The following HS3ST5 variants were observed in gnomAD, a reference collection of about 807,000 sequenced individuals.
HS3ST5 encodes the protein heparan sulfate-glucosamine 3-sulfotransferase 5.
Under a neutral mutation model 25.4 loss-of-function variants are expected in HS3ST5, and 10 were observed. The observed-to-expected ratio is 0.39, with a 90% CI of 0.24 to 0.67. The LOEUF (loss-of-function observed/expected upper bound fraction) is 0.67. Among genes scored for constraint, HS3ST5 ranks in the 30% least tolerant of loss-of-function variants. The pLI, the probability that HS3ST5 is intolerant of heterozygous loss-of-function variation, is 0.44. For missense variants in HS3ST5, 324 were observed against 420.7 expected (o/e 0.77, Z 2.01); for synonymous variants, 170 against 162.4 (o/e 1.05, Z -0.36).
intron 1 of HS3ST5, among the ~76,000 whole-genome samples, chr6:114,249,704 G>C (rs1376204182): frequency 6.6e-6 from 1 of 152,158 alleles, no homozygotes; most frequent in African/African-American, 2.4e-5. Context: ...GGACAGCTCT[G>C]GGGAGCCAGC....
intron 3 of HS3ST5, among the ~76,000 whole-genome samples, chr6:114,127,025 T>A (rs1427920909): frequency 1.3e-5 from 2 of 152,274 alleles, no homozygotes; most frequent in Admixed American, 6.5e-5. Flanking sequence ...TATAAGATGT[T>A]GATAAGAGGG....
chr6:114,294,594 C>T (rs1399542565), intron 1 of HS3ST5, among the ~76,000 whole-genome samples: 3 of 152,002 alleles, frequency 2.0e-5, no homozygotes, highest in Admixed American at 6.5e-5. Flanking sequence ...TACAGGCGCC[C>T]GCCACTGCGC....
chr6:114,081,940 A>T (rs1008438079), intron 3 of HS3ST5, among the ~76,000 whole-genome samples: 1 of 152,120 alleles, frequency 6.6e-6, no homozygotes, highest in African/African-American at 2.4e-5. Context: ...TGCAATCATC[A>T]CCATAATTAA....
chr6:114,062,581 TA>T (rs1773194165), intron 4 of HS3ST5, among the ~76,000 whole-genome samples, 157 bp downstream of exon 4: 1 of 152,156 alleles, frequency 6.6e-6, no homozygotes, highest in African/African-American at 2.4e-5. Context: ...CTCTCTCTTT[TA>T]AAGGCTCAGT....
In HS3ST5 at chr6:114,062,882, G is replaced by T. The variant is rs189253118; in HGVS notation, c.-32-5C>A. On this transcript the variant is annotated splice_region_variant and splice_polypyrimidine_tract_variant and intron_variant, in intron 3 of 4. Transcript: ENST00000312719. Reference sequence around the variant, plus strand: ...AACCTTCAGGACTGCTGCAGCCTGCGATAGAAGGACTCATCAGCAGCCATC... The same window carrying T: ...AACCTTCAGGACTGCTGCAGCCTGCTATAGAAGGACTCATCAGCAGCCATC... 6.6e-7 allele frequency: 1 copy of T among 1,521,862 alleles called. No homozygotes were observed. The highest frequency in any genetic ancestry group is 1.4e-5 in the African/African-American group (1 of 73,152). The allele number at this position is 1,521,862 out of a possible 1,614,324, so 94.3% of individuals were successfully genotyped here. A position where few individuals can be genotyped will look rare whatever the true frequency, so the allele number is the denominator to read the frequency against.
chr6:114,185,574 T>C (rs1290833442), intron 2 of HS3ST5, among the ~76,000 whole-genome samples: 1 of 152,188 alleles, frequency 6.6e-6, no homozygotes, highest in Non-Finnish European at 1.5e-5. Context: ...TTTTTACAAA[T>C]TGAAGGTTCA....
intron 2 of HS3ST5, among the ~76,000 whole-genome samples, chr6:114,182,539 G>A (rs150796388): frequency 1.9e-4 from 29 of 152,200 alleles, no homozygotes; most frequent in African/African-American, 5.5e-4. Flanking sequence ...CAAAAGGAGC[G>A]TATAGGAAGA....
At chr6:114,341,544 A>G (rs557950615) in intron 1 of HS3ST5, among the ~76,000 whole-genome samples, 1 of 150,980 alleles carries the variant, frequency 6.6e-6, no homozygotes, top group East Asian at 2.0e-4. Context: ...GACCTCTCAG[A>G]CTTGTTTGTA....
intron 3 of HS3ST5, among the ~76,000 whole-genome samples, chr6:114,099,774 AGCGTCCAT>A (rs1452644053): frequency 6.6e-6 from 1 of 152,138 alleles, no homozygotes; most frequent in Non-Finnish European, 1.5e-5. Context: ...GCCTAATATT[AGCGTCCAT>A]GCTTTATCCC....
chr6:114,213,411 A>G (rs1342690241), intron 2 of HS3ST5, among the ~76,000 whole-genome samples: 1 of 151,786 alleles, frequency 6.6e-6, no homozygotes, highest in Admixed American at 6.6e-5. Context: ...GAAAACAGGA[A>G]GGCATGTTCT....
In HS3ST5 at chr6:114,236,844, T is replaced by C. The variant is rs933144811; in HGVS notation, c.-338-8066A>G. ...AATTGTATACTCTATTGAAATATTT[T>C]AGACTTTGATAGGCTCAATAGATAT... is the stretch of plus-strand genomic sequence containing the variant. On this transcript the variant is annotated intron_variant, in intron 1 of 4. Transcript: ENST00000312719. 3.3e-5 allele frequency among the ~76,000 whole-genome samples: 5 copies of C among 152,324 alleles called. No individual in the cohort carries two copies. In the East Asian group the frequency reaches 9.6e-4, roughly 29 times the overall value.
At chr6:114,119,102 A>G (rs570364006) in intron 3 of HS3ST5, among the ~76,000 whole-genome samples, 2 of 152,374 alleles carry the variant, frequency 1.3e-5, no homozygotes, top group South Asian at 4.1e-4. Context: ...GAACGAAGGC[A>G]CTAAAGGAGT....
chr6:114,192,487 T>A (rs1224774868), intron 2 of HS3ST5, among the ~76,000 whole-genome samples: 3 of 152,208 alleles, frequency 2.0e-5, no homozygotes, highest in African/African-American at 4.8e-5. Context: ...CTAGCTTTTT[T>A]AAATTTTATT....
intron 2 of HS3ST5, among the ~76,000 whole-genome samples, chr6:114,180,581 A>C (rs900735830): frequency 3.3e-5 from 5 of 152,096 alleles, no homozygotes; most frequent in Admixed American, 1.3e-4. Context: ...TGGGACTTGG[A>C]CTGAGCCACT....
At chr6:114,214,688 A>C (rs528312278) in intron 2 of HS3ST5, among the ~76,000 whole-genome samples, 1 of 152,354 alleles carries the variant, frequency 6.6e-6, no homozygotes, top group South Asian at 2.1e-4. Flanking sequence ...CAAAAGGTAG[A>C]GAGCAAGACT....
chr6:114,254,985 C>T (rs937750948), intron 1 of HS3ST5, among the ~76,000 whole-genome samples: 6 of 152,170 alleles, frequency 3.9e-5, no homozygotes, highest in African/African-American at 1.4e-4. Flanking sequence ...GCCTTCCCAA[C>T]AGTCCCCCAA....
At chr6:114,253,703 T>G (rs1311952810) in intron 1 of HS3ST5, among the ~76,000 whole-genome samples, 1 of 152,152 alleles carries the variant, frequency 6.6e-6, no homozygotes, top group East Asian at 1.9e-4. Context: ...AATAACGAGA[T>G]TCAATTAGTG....
intron 3 of HS3ST5, among the ~76,000 whole-genome samples, chr6:114,122,334 TA>T (rs1209717919): frequency 6.6e-6 from 1 of 152,188 alleles, no homozygotes; most frequent in African/African-American, 2.4e-5. Context: ...TCACACAATT[TA>T]GTGAGATCCT....
chr6:114,253,353 G>C (rs1293462289), intron 1 of HS3ST5, among the ~76,000 whole-genome samples: 1 of 152,168 alleles, frequency 6.6e-6, no homozygotes, highest in Non-Finnish European at 1.5e-5. Flanking sequence ...CAGGTGTTTA[G>C]TAGACACAGG....
Sources: gnomAD v4.1 joint callset for allele counts (sites outside exome capture counted in the v4.1 genomes callset) on GRCh38, gnomAD v4.1.1 for gene constraint, MANE v1.5 for transcripts, NCBI Gene and HGNC (gene_info 2026-07-23, HGNC 2026-07-21) for gene names.